WDR7: variants seen among roughly 807,000 people sequenced by gnomAD.
WDR7 encodes WD repeat domain 7.
WDR7 carries 46 observed loss-of-function variants against 169.4 expected under a neutral mutation model. The observed-to-expected ratio is 0.27, with a 90% CI of 0.21 to 0.35. The LOEUF is 0.35. Among genes scored for constraint, WDR7 ranks in the 10% least tolerant of loss-of-function variants. The probability of loss-of-function intolerance (pLI) is 1.00; values close to 1 mark genes in which losing one functional copy is unlikely to be tolerated. For missense variants in WDR7, 1,534 were observed against 1,859.3 expected (o/e 0.83, Z 3.22); for synonymous variants, 612 against 666.8 (o/e 0.92, Z 1.27).
intron 12 of WDR7, among the ~76,000 whole-genome samples, chr18:56,713,923 G>A (rs192544947): frequency 6.6e-6 from 1 of 152,248 alleles, no homozygotes; most frequent in Non-Finnish European, 1.5e-5. Context: ...ACTTTTAAGT[G>A]CTTTTATTTA....
chr18:56,909,454 A>G (rs145075149), intron 21 of WDR7, among the ~76,000 whole-genome samples: 10 of 152,298 alleles, frequency 6.6e-5, no homozygotes, highest in African/African-American at 2.4e-4. Flanking sequence ...GTTCTGTGAT[A>G]TACTGCCTAG....
intron 5 of WDR7, 98 bp downstream of exon 5, chr18:56,682,951 A>G: frequency 7.9e-7 from 1 of 1,270,236 alleles, no homozygotes; most frequent in Non-Finnish European, 1.1e-6. Flanking sequence ...ACTTTGGGAT[A>G]TATTCTTCTA....
intron 24 of WDR7, 21 bp from the exon 25 acceptor site, chr18:56,939,290 A>G (rs778608359): frequency 6.6e-7 from 1 of 1,504,404 alleles, no homozygotes; most frequent in Non-Finnish European, 8.9e-7. Context: ...TTAATTTTAA[A>G]TCTGTTCTTT....
chr18:56,809,072 A>G (rs1247289359), intron 19 of WDR7, among the ~76,000 whole-genome samples: 1 of 151,666 alleles, frequency 6.6e-6, no homozygotes, highest in East Asian at 1.9e-4. Context: ...GCCCCACTCC[A>G]TTCCCCCTCT....
At chr18:56,805,097 C>T (rs556975823) in intron 19 of WDR7, among the ~76,000 whole-genome samples, 2 of 152,278 alleles carry the variant, frequency 1.3e-5, no homozygotes, top group East Asian at 3.9e-4. Flanking sequence ...TCTGGAAACA[C>T]TCTCACAGGC....
chr18:56,694,430 A>G (rs1036099747), intron 9 of WDR7, among the ~76,000 whole-genome samples, 189 bp from the exon 10 acceptor site: 2 of 152,206 alleles, frequency 1.3e-5, no homozygotes, highest in Non-Finnish European at 2.9e-5. Flanking sequence ...ACTAGATTAG[A>G]ATATTAGTTG....
At chr18:56,696,191 A>G (rs754076968) in intron 11 of WDR7, 51 bp from the exon 12 acceptor site, 2 of 1,468,178 alleles carry the variant, frequency 1.4e-6, no homozygotes, top group Non-Finnish European at 1.9e-6. Flanking sequence ...ACTTACTGAA[A>G]CTTGGTAAAC....
chr18:56,734,883 C>T (rs539251928), intron 14 of WDR7, among the ~76,000 whole-genome samples: 1 of 152,132 alleles, frequency 6.6e-6, no homozygotes, highest in African/African-American at 2.4e-5. Flanking sequence ...AGTATAACTA[C>T]ACATAGAGTA....
Position 56,962,519 on chromosome 18 carries a change from G to C in WDR7, c.4154G>C (p.Gly1385Ala), listed in dbSNP as rs1264249000. ...GSVALYDIRT[G>A]KCQTIHGHKG... is the part of the protein sequence containing the mutation. ...GTGGCCCTGTACGACATCCGGACTG[G>C]AAAATGTCAGGTAAATAAATCATTG... The change falls in exon 26 of 28, where the codon GGA becomes GCA. Residue 1385 changes from glycine (G) to alanine (A), a missense_variant. By Grantham distance (60) the Gly-to-Ala change is moderately conservative (BLOSUM62 0). Transcript: ENST00000254442. 6.2e-7 allele frequency: 1 copy of C among 1,612,634 alleles called. No individual in the cohort carries two copies. The highest frequency in any genetic ancestry group is 8.5e-7 in the Non-Finnish European group (1 of 1,179,156).
intron 7 of WDR7, among the ~76,000 whole-genome samples, chr18:56,689,392 C>T (rs1268261501): frequency 6.6e-6 from 1 of 152,164 alleles, no homozygotes; most frequent in African/African-American, 2.4e-5. Flanking sequence ...TCCCAAGTAG[C>T]TGGGATCACA....
intron 20 of WDR7, among the ~76,000 whole-genome samples, chr18:56,858,707 T>C (rs1471803072): frequency 6.6e-6 from 1 of 152,182 alleles, no homozygotes; most frequent in Non-Finnish European, 1.5e-5. Context: ...CCAGGTATAA[T>C]TGGAGTTGTT....
In WDR7 at chr18:56,714,648, A is replaced by G. The variant is rs562267048; in HGVS notation, c.1579-3316A>G. ...AGGCTGGTCTTGAACTTTTGACCTC[A>G]GGTGATCCATCCCCCTCGACCTCCC... On this transcript the variant is annotated intron_variant, in intron 12 of 27. Transcript: ENST00000254442. Among the ~76,000 whole-genome samples the G allele has an allele frequency of 3.9e-4, 59 of 152,034 alleles. No individual in the cohort carries two copies. The South Asian group carries it at 0.012, about 32-fold the overall frequency.
intron 12 of WDR7, among the ~76,000 whole-genome samples, chr18:56,712,432 G>A (rs923935414): frequency 7.2e-5 from 11 of 152,302 alleles, no homozygotes; most frequent in African/African-American, 2.6e-4. Context: ...ATTTGGCTTA[G>A]GATGATAATT....
chr18:57,034,132 G>A (rs1240480385), downstream of WDR7: 1 of 152,096 alleles, frequency 6.6e-6, no homozygotes, highest in African/African-American at 2.4e-5. Context: ...CCAGGCAAGA[G>A]AGTGAGACTC....
chr18:56,819,955 A>G (rs575800544), intron 20 of WDR7, among the ~76,000 whole-genome samples: 59 of 152,264 alleles, frequency 3.9e-4, no homozygotes, highest in African/African-American at 1.3e-3. Context: ...TATGTTATTA[A>G]TAGGTCATAA....
chr18:56,886,095 A>G (rs2046188859), intron 21 of WDR7, among the ~76,000 whole-genome samples: 1 of 152,206 alleles, frequency 6.6e-6, no homozygotes, highest in African/African-American at 2.4e-5. Flanking sequence ...CACCCTTGCT[A>G]GAGATCTAGA....
chr18:56,750,006 G>GGTGTGT (rs147526440), intron 14 of WDR7, among the ~76,000 whole-genome samples: 3 of 149,144 alleles, frequency 2.0e-5, no homozygotes, highest in Non-Finnish European at 4.5e-5. Flanking sequence ...ACTGTGTATG[G>GGTGTGT]GTGTGTGTGT....
Position 56,756,974 on chromosome 18 carries a change from A to G in WDR7, c.2381A>G (p.Asn794Ser). The G allele has an allele frequency of 6.2e-7, 1 of 1,614,140 alleles. No individual in the cohort carries two copies. Among genetic ancestry groups the G allele is most frequent in the Non-Finnish European group, 8.5e-7 (1 of 1,180,024 alleles). Residue 794 changes from asparagine (N) to serine (S), a missense_variant, in exon 15 of 28, where the codon AAT becomes AGT. Physicochemically the swap from Asn to Ser is conservative, Grantham distance 46. Transcript: ENST00000254442. ...AAGCCATTGACCCTATTAGAATATA[A>G]TTTAACTATGGACACTGCAAAGCTG... ...KSKPLTLLEYNLTMDTAKLFM... is the reference protein window; with the variant it reads ...KSKPLTLLEYSLTMDTAKLFM...
intron 12 of WDR7, among the ~76,000 whole-genome samples, chr18:56,700,164 T>TCCTCCC (rs1568145180): frequency 6.6e-6 from 1 of 151,916 alleles, no homozygotes; most frequent in Non-Finnish European, 1.5e-5. Flanking sequence ...TTATGTAGAG[T>TCCTCCC]ACTTAAATTG....
Sources: gnomAD v4.1 joint callset for allele counts (sites outside exome capture counted in the v4.1 genomes callset) on GRCh38, gnomAD v4.1.1 for gene constraint, MANE v1.5 for transcripts, NCBI Gene and HGNC (gene_info 2026-07-23, HGNC 2026-07-21) for gene names.